REC114: variants seen among roughly 807,000 people sequenced by gnomAD.
REC114 encodes the protein REC114 meiotic recombination protein.
Under a neutral mutation model 31.3 loss-of-function variants are expected in REC114, and 27 were observed. The observed-to-expected ratio is 0.86, with a 90% CI of 0.64 to 1.19. The LOEUF is 1.19. REC114 is among the 50% of genes most tolerant of loss of function. The pLI is 0.00. For synonymous variants in REC114, 134 were observed against 127.7 expected (o/e 1.05, Z -0.33); for missense variants, 344 against 326.9 (o/e 1.05, Z -0.40).
Position 73,540,420 on chromosome 15 carries a change from C to T in REC114, c.250-65C>T. 1.8e-6 allele frequency: 2 copies of T among 1,106,722 alleles called. 1 individual carries two copies. Among genetic ancestry groups the T allele is most frequent in the South Asian group, 2.5e-5 (2 of 80,782 alleles). The allele number at this position is 1,106,722 out of a possible 1,614,324, so 68.6% of individuals were successfully genotyped here. ...TATACAACTTTCTAACAGGAAGTAG[C>T]TGCAGCCATAGCTATTCTTCATATT... is the stretch of plus-strand genomic sequence containing the variant. On this transcript the variant is annotated intron_variant, in intron 2 of 5. Transcript: ENST00000331090.
At chr15:73,501,992 C>A (rs976942399) in intron 2 of REC114, among the ~76,000 whole-genome samples, 12 of 151,960 alleles carry the variant, frequency 7.9e-5, no homozygotes, top group Non-Finnish European at 1.2e-4. Flanking sequence ...GTGGAAAATG[C>A]AACTCAAAGA....
At chr15:73,552,839 G>A (rs898806760) in intron 4 of REC114, among the ~76,000 whole-genome samples, 1 of 152,086 alleles carries the variant, frequency 6.6e-6, no homozygotes, top group Non-Finnish European at 1.5e-5. Flanking sequence ...TTGAGACAGA[G>A]TTTCGCTCTT....
rs149531526 is a variant in REC114, at chr15:73,449,440, G to A, written c.159+6096G>A. On this transcript the variant is annotated intron_variant, in intron 1 of 5. Coordinates refer to ENST00000331090, the MANE Select transcript of REC114 (RefSeq NM_001042367.2). ...CAAAGAAATAAAGCAAGAAGACAAG[G>A]TTAGAGAAAAGAGTGAAAAGAAACG... is the stretch of plus-strand genomic sequence containing the variant. 2.6e-5 allele frequency among the ~76,000 whole-genome samples: 4 copies of A among 152,120 alleles called. No homozygotes were observed. In the East Asian group the frequency reaches 7.8e-4, roughly 29 times the overall value.
At chr15:73,481,999 G>A (rs1893301843) in intron 2 of REC114, among the ~76,000 whole-genome samples, 2 of 152,056 alleles carry the variant, frequency 1.3e-5, no homozygotes, top group Admixed American at 6.6e-5. Context: ...TTGACATTAA[G>A]TACATTCCTA....
At chr15:73,556,249 G>A (rs1258619668) in intron 4 of REC114, 53 bp from the exon 5 acceptor site, 37 of 1,452,564 alleles carry the variant, frequency 2.5e-5, no homozygotes, top group Non-Finnish European at 3.4e-5. Flanking sequence ...ATGGCCTTTG[G>A]TATTTAAGAT....
At chr15:73,520,149 C>A (rs538407594) in intron 2 of REC114, among the ~76,000 whole-genome samples, 1 of 152,130 alleles carries the variant, frequency 6.6e-6, no homozygotes, top group East Asian at 1.9e-4. Context: ...TAAAAAAATT[C>A]ATGACACATT....
intron 2 of REC114, among the ~76,000 whole-genome samples, chr15:73,489,920 A>G (rs1004828970): frequency 6.6e-6 from 1 of 152,160 alleles, no homozygotes; most frequent in Admixed American, 6.5e-5. Context: ...GAGTGAGTAC[A>G]CTCAAACACA....
chr15:73,477,259 T>C (rs939199784), intron 2 of REC114, among the ~76,000 whole-genome samples: 3 of 152,226 alleles, frequency 2.0e-5, no homozygotes, highest in Non-Finnish European at 2.9e-5. Flanking sequence ...TTATCAGAAA[T>C]GTGTTCTTCA....
At chr15:73,508,013 C>T (rs549598758) in intron 2 of REC114, among the ~76,000 whole-genome samples, 1 of 152,244 alleles carries the variant, frequency 6.6e-6, no homozygotes, top group African/African-American at 2.4e-5. Flanking sequence ...TGGTGCATCC[C>T]TACAGCATCT....
At chr15:73,485,118 G>A (rs1381686990) in intron 2 of REC114, among the ~76,000 whole-genome samples, 1 of 152,132 alleles carries the variant, frequency 6.6e-6, no homozygotes, top group African/African-American at 2.4e-5. Flanking sequence ...TTGAGATGGA[G>A]TCTCACTCTG....
At chr15:73,488,925 T>C (rs1203384200) in intron 2 of REC114, among the ~76,000 whole-genome samples, 1 of 152,182 alleles carries the variant, frequency 6.6e-6, no homozygotes, top group African/African-American at 2.4e-5. Context: ...AACACCCCTT[T>C]CTTGGTACCA....
chr15:73,489,200 CTTTTTTTTTTT>C (rs60331328), intron 2 of REC114, among the ~76,000 whole-genome samples: 1 of 126,262 alleles, frequency 7.9e-6, no homozygotes, highest in Non-Finnish European at 1.6e-5. Context: ...CCTCCCCCAC[CTTTTTTTTTTT>C]TTTTTTTTTT....
At chr15:73,528,521 T>A (rs1894035264) in intron 2 of REC114, among the ~76,000 whole-genome samples, 2 of 152,140 alleles carry the variant, frequency 1.3e-5, no homozygotes, top group South Asian at 4.1e-4. Flanking sequence ...AAACAAAATT[T>A]AGTGAGGGGA....
intron 1 of REC114, among the ~76,000 whole-genome samples, chr15:73,457,632 C>T (rs1892935497): frequency 6.6e-6 from 1 of 152,134 alleles, no homozygotes; most frequent in Non-Finnish European, 1.5e-5. Context: ...AATTAACATC[C>T]TTTATTACGT....
rs541810326 is a variant in REC114, at chr15:73,541,722, C to T, written c.333+1154C>T. On this transcript the variant is annotated intron_variant, in intron 3 of 5. Coordinates refer to ENST00000331090, the MANE Select transcript of REC114 (RefSeq NM_001042367.2). ...CTAGCTATCAGAGAACCAGGCTGCC[C>T]TTTGATCTTTGGACTTAGCTCCAGA... Among the ~76,000 whole-genome samples the T allele has an allele frequency of 3.9e-5, 6 of 152,298 alleles. No homozygotes were observed. The South Asian group carries it at 8.3e-4, about 21-fold the overall frequency.
chr15:73,496,351 CAAAAAAAAAAAAAAAA>C (rs539098846), intron 2 of REC114, among the ~76,000 whole-genome samples: 4 of 20,508 alleles, frequency 2.0e-4, no homozygotes. Context: ...GACTCCTTCT[CAAAAAAAAAAAAAAAA>C]AAAAAAAAAA....
In REC114 at chr15:73,535,586, A is replaced by G. The variant is rs563940272; in HGVS notation, c.250-4899A>G. Among the ~76,000 whole-genome samples, 68 of 148,000 alleles carry G rather than the reference A, an allele frequency of 4.6e-4. No homozygotes were observed. The Middle Eastern group carries it at 0.01, about 22-fold the overall frequency. On this transcript the variant is annotated intron_variant, in intron 2 of 5. Transcript: ENST00000331090. ...GGGTAGGAAGAATCAATATCGTGAAAATGGCCATACTGCCCAAGGTAATTT... is the reference window on the plus strand; with the variant it reads ...GGGTAGGAAGAATCAATATCGTGAAGATGGCCATACTGCCCAAGGTAATTT...
intron 2 of REC114, among the ~76,000 whole-genome samples, chr15:73,539,308 T>G (rs1894206832): frequency 7.3e-6 from 1 of 136,954 alleles, no homozygotes; most frequent in Admixed American, 7.3e-5. Flanking sequence ...TTTTTTTTTT[T>G]GAGACGGAAT....
At position 73,545,969 on chromosome 15, in the gene REC114, T is replaced by C. The variant is rs532047726; in HGVS notation, c.334-4969T>C. 3.9e-5 allele frequency among the ~76,000 whole-genome samples: 6 copies of C among 152,248 alleles called. No homozygotes were observed. The South Asian group carries it at 8.3e-4, about 21-fold the overall frequency. ...TAATTTCACAAAAGAAGATTCATAG[T>C]AGTATTATAGATTGAATGTATAGGT... On this transcript the variant is annotated intron_variant, in intron 3 of 5. Coordinates refer to ENST00000331090, the MANE Select transcript of REC114 (RefSeq NM_001042367.2).
Sources: gnomAD v4.1 joint callset for allele counts (sites outside exome capture counted in the v4.1 genomes callset) on GRCh38, gnomAD v4.1.1 for gene constraint, MANE v1.5 for transcripts, NCBI Gene and HGNC (gene_info 2026-07-23, HGNC 2026-07-21) for gene names.